The following NLGN1 variants were observed in gnomAD, a reference collection of about 807,000 sequenced individuals.
NLGN1 encodes the protein neuroligin 1.
Under a neutral mutation model 65.5 loss-of-function variants are expected in NLGN1, and 12 were observed. That is an observed-to-expected ratio of 0.18 (90% confidence interval 0.12 to 0.30). The LOEUF (loss-of-function observed/expected upper bound fraction) is 0.30, where lower values mean the gene tolerates loss of function less well. Ranked by LOEUF, NLGN1 falls within the 10% of genes least tolerant of loss-of-function variation. The probability of loss-of-function intolerance (pLI) is 1.00; values close to 1 mark genes in which losing one functional copy is unlikely to be tolerated. For synonymous variants in NLGN1, 350 were observed against 359.5 expected, an observed-to-expected ratio of 0.97 and a Z score of 0.30; for missense variants, 750 against 1,007.1, an observed-to-expected ratio of 0.74 and a Z score of 3.46.
chr3:173,782,805 C>G (rs1466930733), intron 3 of NLGN1, among the ~76,000 whole-genome samples: 1 of 151,172 alleles, frequency 6.6e-6, no homozygotes, highest in East Asian at 1.9e-4. Context: ...GCCCTTCATT[C>G]CCCTACCCCC....
chr3:173,426,013 A>T (rs1279760527), intron 1 of NLGN1, among the ~76,000 whole-genome samples: 2 of 151,968 alleles, frequency 1.3e-5, no homozygotes, highest in Admixed American at 1.3e-4. Flanking sequence ...ATTCTTCAGT[A>T]TTTTATAGTT....
At chr3:174,041,277 A>G (rs896802494) in intron 4 of NLGN1, among the ~76,000 whole-genome samples, 14 of 152,096 alleles carry the variant, frequency 9.2e-5, no homozygotes, top group Non-Finnish European at 5.9e-5. Context: ...ACTCAGCACA[A>G]TTATTTTGAG....
At chr3:173,812,929 C>A (rs4894455) in intron 4 of NLGN1, among the ~76,000 whole-genome samples, 125,991 of 149,900 alleles carry the variant, frequency 0.84, 53,808 homozygotes, top group African/African-American at 0.93. Context: ...AGAGCTTTCA[C>A]TATAGTTGAG....
chr3:173,861,134 T>G (rs747661868), intron 4 of NLGN1, among the ~76,000 whole-genome samples: 5 of 152,190 alleles, frequency 3.3e-5, no homozygotes, highest in Non-Finnish European at 7.3e-5. Context: ...AGAGAAGACT[T>G]TATCATATTT....
chr3:174,107,017 C>CACACACACAG (rs773314392), intron 4 of NLGN1, among the ~76,000 whole-genome samples: 5 of 97,644 alleles, frequency 5.1e-5, no homozygotes, highest in Admixed American at 2.2e-4. Context: ...CACACACACA[C>CACACACACAG]AGAGAGAGAG....
In NLGN1 at chr3:174,279,860, CAT is replaced by C. The variant is rs1751256627; in HGVS notation, c.1649+213_1649+214del. On this transcript the variant is annotated intron_variant, in intron 6 of 6. Coordinates refer to ENST00000457714, the Ensembl canonical transcript of NLGN1. This position sits in a 1 kb window ranked among gnomAD's most constrained non-coding sequence, Gnocchi z 4.7. ...GTTTTAGAAGCTTGTTAAGAAAGCA[CAT>C]ATCTCAATTGCATTACTTAATTACA... Among the ~76,000 whole-genome samples the C allele has an allele frequency of 6.6e-6, 1 of 151,924 alleles. No individual in the cohort carries two copies. Among genetic ancestry groups the C allele is most frequent in the Non-Finnish European group, 1.5e-5 (1 of 67,922 alleles).
chr3:174,208,323 G>A (rs1480382155), intron 4 of NLGN1, among the ~76,000 whole-genome samples: 1 of 152,086 alleles, frequency 6.6e-6, no homozygotes, highest in African/African-American at 2.4e-5. Context: ...AAAGGGCAGG[G>A]GTGAGGATAA....
At chr3:174,000,790 A>G (rs1723132159) in intron 4 of NLGN1, among the ~76,000 whole-genome samples, 1 of 152,188 alleles carries the variant, frequency 6.6e-6, no homozygotes, top group African/African-American at 2.4e-5. Flanking sequence ...AAATGAAGAG[A>G]GAAAAGGTAA....
chr3:173,442,441 C>T (rs1486089451), intron 2 of NLGN1, among the ~76,000 whole-genome samples: 1 of 152,046 alleles, frequency 6.6e-6, no homozygotes, highest in African/African-American at 2.4e-5. Context: ...TTCCTGAATC[C>T]AGCCAAAAAT....
intron 4 of NLGN1, among the ~76,000 whole-genome samples, chr3:173,992,325 T>TA (rs1721290223): frequency 6.6e-6 from 1 of 152,120 alleles, no homozygotes; most frequent in African/African-American, 2.4e-5. Context: ...GTGTCAGGAC[T>TA]CAATTGAAAA....
intron 4 of NLGN1, among the ~76,000 whole-genome samples, chr3:174,151,023 CTT>C (rs11363123): frequency 6.6e-6 from 1 of 150,926 alleles, no homozygotes; most frequent in Non-Finnish European, 1.5e-5. Flanking sequence ...GGTTCATAGA[CTT>C]TTTTTTTCCC....
At chr3:174,054,805 C>T (rs147963803) in intron 4 of NLGN1, among the ~76,000 whole-genome samples, 35 of 152,052 alleles carry the variant, frequency 2.3e-4, no homozygotes, top group African/African-American at 4.8e-4. Flanking sequence ...TCGCAATGTC[C>T]GATCTTATTT....
At chr3:174,123,399 T>G (rs567600725) in intron 4 of NLGN1, among the ~76,000 whole-genome samples, 1 of 149,042 alleles carries the variant, frequency 6.7e-6, no homozygotes, top group African/African-American at 2.5e-5. Context: ...CAAGAGGCTG[T>G]TTTTGTTGTT....
intron 3 of NLGN1, among the ~76,000 whole-genome samples, chr3:173,805,725 C>G (rs1028807711): frequency 1.3e-5 from 2 of 152,176 alleles, no homozygotes; most frequent in Non-Finnish European, 2.9e-5. Flanking sequence ...TAGCCGAGTA[C>G]AGTGTCTGCT....
chr3:174,078,997 T>G (rs11715920), intron 4 of NLGN1, among the ~76,000 whole-genome samples: 33,721 of 148,982 alleles, frequency 0.23, 4,970 homozygotes, highest in African/African-American at 0.44. Context: ...AATACAACGG[T>G]GTGTGTGTGT....
chr3:173,698,667 T>C (rs896275968), intron 3 of NLGN1, among the ~76,000 whole-genome samples: 1 of 152,194 alleles, frequency 6.6e-6, no homozygotes, highest in Non-Finnish European at 1.5e-5. Context: ...TTCTATTTTA[T>C]GGAAAAAAAT....
intron 4 of NLGN1, among the ~76,000 whole-genome samples, chr3:174,209,898 T>C (rs955613909): frequency 2.6e-5 from 4 of 152,054 alleles, no homozygotes; most frequent in South Asian, 2.1e-4. Context: ...CCCAAAGTGC[T>C]GGGATTACAG....
rs114488498 is a variant in NLGN1, at chr3:173,818,488, T to G, written c.646+10656T>G. Among the ~76,000 whole-genome samples, 227 of 152,244 alleles carry G rather than the reference T, an allele frequency of 1.5e-3. 1 individual carries two copies. Among genetic ancestry groups the G allele is most frequent in the African/African-American group, 5.3e-3 (221 of 41,536 alleles). The stretch of plus-strand genomic sequence containing the variant: ...ATAATTAGAAGCAGAACAAATCGTT[T>G]AAAAAAGCAACTGTGGAAAAATGCA... On this transcript the variant is annotated intron_variant, in intron 4 of 6. Coordinates refer to ENST00000457714, the Ensembl canonical transcript of NLGN1.
chr3:173,461,795 T>C (rs1723440397), intron 2 of NLGN1, among the ~76,000 whole-genome samples: 1 of 152,192 alleles, frequency 6.6e-6, no homozygotes, highest in African/African-American at 2.4e-5. Context: ...TTTCTCGTTT[T>C]GCCTCCTCAC....
Sources: gnomAD v4.1 joint callset for allele counts (sites outside exome capture counted in the v4.1 genomes callset) on GRCh38, gnomAD v4.1.1 for gene constraint, Gnocchi (gnomAD v3.1) non-coding constraint, MANE v1.5 for transcripts, NCBI Gene and HGNC (gene_info 2026-07-23, HGNC 2026-07-21) for gene names.